Variants in FOCAD observed in about 807,000 individuals in gnomAD.
FOCAD encodes KIAA1797.
Under a neutral mutation model 225.6 loss-of-function variants are expected in FOCAD, and 198 were observed. That is an observed-to-expected ratio of 0.88 (90% CI 0.78 to 0.99). The LOEUF (loss-of-function observed/expected upper bound fraction) is 0.99, where lower values mean the gene tolerates loss of function less well. FOCAD is among the 50% of genes least tolerant of loss of function. The pLI, the probability that FOCAD is intolerant of heterozygous loss-of-function variation, is 0.00. For missense variants in FOCAD, 2,713 were observed against 2,123.6 expected (o/e 1.28, Z -5.46); for synonymous variants, 897 against 755.0 (o/e 1.19, Z -3.08).
At chr9:20,903,774 G>A (rs13288653) in intron 21 of FOCAD, among the ~76,000 whole-genome samples, 1 of 151,840 alleles carries the variant, frequency 6.6e-6, no homozygotes, top group African/African-American at 2.4e-5. Context: ...CCATTTTAAA[G>A]TGTGCAATTC....
upstream of FOCAD, among the ~76,000 whole-genome samples, chr9:20,658,156 G>C (rs374562424): frequency 0.056 from 8,056 of 144,680 alleles, 280 homozygotes; most frequent in East Asian, 0.15. Context: ...CAGCTGCGTG[G>C]TGGGAGAACC....
At chr9:20,712,726 T>C (rs1182762696) in intron 1 of FOCAD, among the ~76,000 whole-genome samples, 1 of 125,878 alleles carries the variant, frequency 7.9e-6, no homozygotes, top group Non-Finnish European at 1.6e-5. Context: ...CTTTCTCCTA[T>C]ATTCTTTTTT....
chr9:20,976,558 A>T lies in FOCAD; in HGVS notation c.4261+10A>T, dbSNP rs1246056499. On this transcript the variant is annotated intron_variant, in intron 36 of 43. Coordinates refer to ENST00000338382, the MANE Select transcript of FOCAD (RefSeq NM_001375567.1). ...ATGAGGCTAAATTTTGGTAAATATC[A>T]TGTGTTTTTAAGTCTTCAGACTTTG... is the stretch of plus-strand genomic sequence containing the variant. 40 of 1,611,662 alleles carry T rather than the reference A, an allele frequency of 2.5e-5. No homozygotes were observed. The highest frequency in any genetic ancestry group is 3.3e-5 in the Non-Finnish European group (39 of 1,178,326).
chr9:20,684,990 G>A (rs866391025), intron 1 of FOCAD, among the ~76,000 whole-genome samples: 5 of 152,160 alleles, frequency 3.3e-5, no homozygotes, highest in Non-Finnish European at 7.3e-5. Flanking sequence ...CAGCTGTGGC[G>A]TCCTGATATC....
chr9:20,836,970 C>G (rs1826050651), intron 15 of FOCAD, among the ~76,000 whole-genome samples: 1 of 151,794 alleles, frequency 6.6e-6, no homozygotes, highest in Non-Finnish European at 1.5e-5. Flanking sequence ...TAAATGGAGG[C>G]CTTAATATTT....
chr9:20,940,924 A>T (rs1390718805), intron 28 of FOCAD, among the ~76,000 whole-genome samples: 1 of 150,950 alleles, frequency 6.6e-6, no homozygotes, highest in Non-Finnish European at 1.5e-5. Context: ...CTGTGTATTT[A>T]TTTTTTTTCT....
At chr9:20,991,995 C>T (rs976569943) in intron 42 of FOCAD, among the ~76,000 whole-genome samples, 1 of 151,962 alleles carries the variant, frequency 6.6e-6, no homozygotes, top group African/African-American at 2.4e-5. Context: ...GGAAAATCAA[C>T]AAAGAAAAAA....
intron 2 of FOCAD, among the ~76,000 whole-genome samples, chr9:20,717,399 A>G (rs926110412): frequency 4.6e-5 from 7 of 152,218 alleles, no homozygotes; most frequent in African/African-American, 1.7e-4. Flanking sequence ...ATTCGTTAAC[A>G]GTGTGATGAA....
At chr9:20,825,713 C>A (rs1375881646) in intron 15 of FOCAD, among the ~76,000 whole-genome samples, 3 of 152,018 alleles carry the variant, frequency 2.0e-5, no homozygotes, top group Non-Finnish European at 4.4e-5. Flanking sequence ...ACTCTTTCAT[C>A]TTGAAAGTTA....
At chr9:20,663,050 T>C (rs1335722733) in intron 2 of FOCAD, among the ~76,000 whole-genome samples, 1 of 151,776 alleles carries the variant, frequency 6.6e-6, no homozygotes, top group African/African-American at 2.4e-5. Flanking sequence ...AAACAAAAGG[T>C]TTTTTACTTC....
chr9:20,816,153 G>A (rs1823707370), intron 11 of FOCAD, among the ~76,000 whole-genome samples: 1 of 151,994 alleles, frequency 6.6e-6, no homozygotes. Context: ...TGTACTCTTA[G>A]ACATAAATAC....
intron 21 of FOCAD, among the ~76,000 whole-genome samples, chr9:20,899,174 T>A (rs947196964): frequency 9.9e-5 from 15 of 151,894 alleles, no homozygotes; most frequent in African/African-American, 3.4e-4. Context: ...CTGTTATATT[T>A]CAAAGTGTTT....
intron 35 of FOCAD, among the ~76,000 whole-genome samples, chr9:20,969,278 A>G (rs756050050): frequency 3.3e-5 from 5 of 152,090 alleles, no homozygotes; most frequent in East Asian, 1.9e-4. Context: ...TATGCCAGCT[A>G]GGTCTCTCTG....
At chr9:20,802,458 G>A (rs1821951987) in intron 11 of FOCAD, among the ~76,000 whole-genome samples, 1 of 152,094 alleles carries the variant, frequency 6.6e-6, no homozygotes, top group South Asian at 2.1e-4. Context: ...GATACAATTA[G>A]ATTTAGAATT....
intron 5 of FOCAD, among the ~76,000 whole-genome samples, chr9:20,753,079 T>C (rs1331635368): frequency 6.6e-6 from 1 of 152,082 alleles, no homozygotes; most frequent in African/African-American, 2.4e-5. Context: ...TGGGGTTTTC[T>C]AGATATACAA....
chr9:20,705,548 A>G (rs551803761), intron 1 of FOCAD, among the ~76,000 whole-genome samples: 7 of 152,182 alleles, frequency 4.6e-5, no homozygotes, highest in African/African-American at 1.7e-4. Context: ...GAATGTGGAG[A>G]TTTTGCGATC....
chr9:20,691,797 G>A (rs1446698731), intron 1 of FOCAD, among the ~76,000 whole-genome samples: 2 of 150,670 alleles, frequency 1.3e-5, no homozygotes, highest in Admixed American at 1.3e-4. Context: ...TTTTTGAGAT[G>A]GAGTCTCCCT....
chr9:20,856,604 G>A (rs959623251), intron 15 of FOCAD, among the ~76,000 whole-genome samples: 1 of 151,644 alleles, frequency 6.6e-6, no homozygotes. Flanking sequence ...GTGTGATCCT[G>A]TTTGTCCATT....
intron 11 of FOCAD, among the ~76,000 whole-genome samples, chr9:20,807,171 G>A (rs1822548279): frequency 6.6e-6 from 1 of 152,186 alleles, no homozygotes; most frequent in South Asian, 2.1e-4. Flanking sequence ...GATTTTTATA[G>A]CTTTTTAAGT....
Sources: gnomAD v4.1 joint callset for allele counts (sites outside exome capture counted in the v4.1 genomes callset) on GRCh38, gnomAD v4.1.1 for gene constraint, MANE v1.5 for transcripts, NCBI Gene and HGNC (gene_info 2026-07-23, HGNC 2026-07-21) for gene names.